The following SH3BGRL2 variants were observed in gnomAD, a reference collection of about 807,000 sequenced individuals.
SH3BGRL2 encodes SH3 domain binding glutamate rich protein like 2, also known as SH3 domain-binding glutamic acid-rich-like protein 2.
Under a neutral mutation model 14.8 loss-of-function variants are expected in SH3BGRL2, and 21 were observed. The observed-to-expected ratio is 1.42, with a 90% CI of 1.01 to 2.05. The LOEUF is 2.05. SH3BGRL2 is among the 30% of genes most tolerant of loss of function. The pLI, the probability that SH3BGRL2 is intolerant of heterozygous loss-of-function variation, is 0.00. For missense variants in SH3BGRL2, 147 were observed against 130.8 expected, an observed-to-expected ratio of 1.12 and a Z score of -0.61; for synonymous variants, 50 against 47.8, an observed-to-expected ratio of 1.05 and a Z score of -0.19.
chr6:79,546,657 G>A, the SH3BGRL2 span, among the ~76,000 whole-genome samples: 1 of 151,926 alleles, frequency 6.6e-6, no homozygotes, highest in South Asian at 2.1e-4. Flanking sequence ...TGAAGAAGAG[G>A]AGATTGGCAT....
the SH3BGRL2 span, among the ~76,000 whole-genome samples, chr6:79,577,872 G>A: frequency 6.6e-6 from 1 of 152,226 alleles, no homozygotes; most frequent in East Asian, 1.9e-4. Context: ...TCCTAGCCAA[G>A]GGAAGCTGTG....
chr6:79,675,331 G>A (rs1392519564), intron 2 of SH3BGRL2, among the ~76,000 whole-genome samples: 2 of 152,122 alleles, frequency 1.3e-5, no homozygotes, highest in African/African-American at 2.4e-5. Context: ...CGATTGAGAT[G>A]TCTAATGCCA....
the SH3BGRL2 span, among the ~76,000 whole-genome samples, chr6:79,614,039 A>G: frequency 6.6e-6 from 1 of 152,150 alleles, no homozygotes; most frequent in Non-Finnish European, 1.5e-5. Context: ...CCAGTCCCAG[A>G]GCACCTGCCA....
At chr6:79,564,572 TA>T in the SH3BGRL2 span, among the ~76,000 whole-genome samples, 5 of 152,190 alleles carry the variant, frequency 3.3e-5, no homozygotes, top group Non-Finnish European at 5.9e-5. Context: ...CTTTCCAAAA[TA>T]CCTTTCCCTC....
the SH3BGRL2 span, among the ~76,000 whole-genome samples, chr6:79,550,769 C>T: frequency 3.3e-5 from 5 of 152,088 alleles, no homozygotes; most frequent in African/African-American, 7.2e-5. Flanking sequence ...CCTTGGTGGC[C>T]GAACTATTAG....
At chr6:79,569,736 A>C in the SH3BGRL2 span, among the ~76,000 whole-genome samples, 312 of 152,162 alleles carry the variant, frequency 2.1e-3, 2 homozygotes, top group Non-Finnish European at 3.4e-3. Flanking sequence ...TTTTTGGTTT[A>C]CATATGTATT....
At chr6:79,662,817 C>A (rs536139141) in intron 1 of SH3BGRL2, among the ~76,000 whole-genome samples, 52 of 152,154 alleles carry the variant, frequency 3.4e-4, no homozygotes, top group Middle Eastern at 3.4e-3. Context: ...TCACATAGTC[C>A]CATATTTCTT....
chr6:79,689,293 A>T (rs925080102), intron 2 of SH3BGRL2, among the ~76,000 whole-genome samples: 1 of 151,216 alleles, frequency 6.6e-6, no homozygotes, highest in Admixed American at 6.6e-5. Flanking sequence ...CCCTGCTGGC[A>T]ATAGTGATAG....
In SH3BGRL2 at chr6:79,696,565, G is replaced by A. The variant is rs765044259; in HGVS notation, c.312G>A (p.Lys104=). Residue 104 remains lysine (K), a splice_region_variant and synonymous_variant, in exon 3 of 4, where the codon AAG becomes AAA. Coordinates refer to ENST00000369838, the MANE Select transcript of SH3BGRL2 (RefSeq NM_031469.4). ...FLGLKPRLAS[K]AEP is the part of the protein sequence containing the mutation. Reference sequence around the variant, plus strand: ...GCCTGAAACCACGGTTGGCATCAAAGGTAGGTAAATCTTTTCTTATTCTTG... The same window carrying A: ...GCCTGAAACCACGGTTGGCATCAAAAGTAGGTAAATCTTTTCTTATTCTTG... The A allele has an allele frequency of 4.2e-5, 66 of 1,555,692 alleles. No individual in the cohort carries two copies. The highest frequency in any genetic ancestry group is 5.3e-5 in the Non-Finnish European group (62 of 1,159,158).
At chr6:79,563,364 G>A in the SH3BGRL2 span, among the ~76,000 whole-genome samples, 10 of 151,848 alleles carry the variant, frequency 6.6e-5, no homozygotes, top group East Asian at 1.9e-4. Flanking sequence ...CCCCCGCCTC[G>A]GCCTCCTGAA....
chr6:79,633,015 G>A (rs1015633134), intron 1 of SH3BGRL2, among the ~76,000 whole-genome samples: 4 of 152,220 alleles, frequency 2.6e-5, no homozygotes, highest in Admixed American at 2.6e-4. Flanking sequence ...GAGCAAGTCG[G>A]ACCAAGTCAA....
At chr6:79,617,948 G>A in the SH3BGRL2 span, among the ~76,000 whole-genome samples, 2 of 152,168 alleles carry the variant, frequency 1.3e-5, no homozygotes, top group Non-Finnish European at 2.9e-5. Context: ...GAAGCAGCCA[G>A]CAATTGGTAA....
the SH3BGRL2 span, among the ~76,000 whole-genome samples, chr6:79,614,195 T>A: frequency 6.6e-6 from 1 of 152,178 alleles, no homozygotes; most frequent in African/African-American, 2.4e-5. Flanking sequence ...TATGTTTTTT[T>A]CCAAAACGTT....
At chr6:79,583,096 C>T in the SH3BGRL2 span, among the ~76,000 whole-genome samples, 1 of 152,170 alleles carries the variant, frequency 6.6e-6, no homozygotes, top group South Asian at 2.1e-4. Flanking sequence ...CATCTCACAC[C>T]AGTTAGAATG....
chr6:79,689,854 C>T lies in SH3BGRL2; in HGVS notation c.232-6631C>T, dbSNP rs566191578. Among the ~76,000 whole-genome samples the T allele has an allele frequency of 7.2e-5, 11 of 152,256 alleles. No homozygotes were observed. The South Asian group carries it at 2.3e-3, about 32-fold the overall frequency. ...CATGCACAATATTTTTGTGTTACCA[C>T]CTAAAGCTTTTGAAAGTAGAATTCA... On this transcript the variant is annotated intron_variant, in intron 2 of 3. Coordinates refer to ENST00000369838, the MANE Select transcript of SH3BGRL2 (RefSeq NM_031469.4).
intron 1 of SH3BGRL2, among the ~76,000 whole-genome samples, chr6:79,633,820 G>C (rs7773679): frequency 0.3 from 45,873 of 152,088 alleles, 7,516 homozygotes; most frequent in South Asian, 0.45. Flanking sequence ...ATGTTCATAT[G>C]TAAGAATAAT....
At chr6:79,645,933 TAACTCTAGGGTAG>T (rs1182073718) in intron 1 of SH3BGRL2, among the ~76,000 whole-genome samples, 2 of 152,202 alleles carry the variant, frequency 1.3e-5, no homozygotes, top group African/African-American at 4.8e-5. Context: ...CTGAGGTTAT[TAACTCTAGGGTAG>T]AACTGCCTTG....
chr6:79,549,002 A>G, the SH3BGRL2 span, among the ~76,000 whole-genome samples: 1 of 152,240 alleles, frequency 6.6e-6, no homozygotes, highest in East Asian at 1.9e-4. Context: ...AAAATGGCTG[A>G]AACCAAGCAA....
chr6:79,656,498 C>T (rs748315133), intron 1 of SH3BGRL2, among the ~76,000 whole-genome samples: 15 of 152,100 alleles, frequency 9.9e-5, no homozygotes, highest in Admixed American at 3.3e-4. Context: ...ACTCCTGGGA[C>T]GACGTATCAC....
Sources: allele counts gnomAD v4.1 joint callset (sites outside exome capture counted in the v4.1 genomes callset), GRCh38; gene constraint gnomAD v4.1.1; transcripts MANE v1.5; gene names NCBI Gene and HGNC (gene_info 2026-07-23, HGNC 2026-07-21).